The following SNTG1 variants were observed in gnomAD, a reference collection of about 807,000 sequenced individuals.
SNTG1 encodes the protein syntrophin gamma 1.
Under a neutral mutation model 74.7 loss-of-function variants are expected in SNTG1, and 39 were observed. That is an observed-to-expected ratio of 0.52 (90% confidence interval 0.40 to 0.68). The LOEUF (loss-of-function observed/expected upper bound fraction) is 0.68, where lower values mean the gene tolerates loss of function less well. SNTG1 is among the 30% of genes least tolerant of loss of function. The pLI is 0.00. For missense variants in SNTG1, 685 were observed against 609.5 expected, an observed-to-expected ratio of 1.12 and a Z score of -1.30; for synonymous variants, 254 against 217.1, an observed-to-expected ratio of 1.17 and a Z score of -1.49.
chr8:50,097,525 G>A (rs1281289190), intron 1 of SNTG1, among the ~76,000 whole-genome samples: 2 of 151,950 alleles, frequency 1.3e-5, no homozygotes, highest in African/African-American at 2.4e-5. Context: ...AGTGGCGGGC[G>A]CCTGTAGTCC....
chr8:50,477,382 A>C (rs1215924277), intron 8 of SNTG1, among the ~76,000 whole-genome samples: 2 of 152,162 alleles, frequency 1.3e-5, no homozygotes, highest in Non-Finnish European at 2.9e-5. Flanking sequence ...CCCCTTCCCC[A>C]GATCACATAT....
At chr8:50,539,680 T>C (rs2094332670) in intron 11 of SNTG1, among the ~76,000 whole-genome samples, 1 of 152,126 alleles carries the variant, frequency 6.6e-6, no homozygotes, top group Admixed American at 6.5e-5. Context: ...TGCAGGTGAG[T>C]ATGAAGGTTC....
At chr8:50,674,196 A>T (rs1316111657) in intron 15 of SNTG1, among the ~76,000 whole-genome samples, 1 of 152,074 alleles carries the variant, frequency 6.6e-6, no homozygotes, top group South Asian at 2.1e-4. Context: ...TCATAAAATG[A>T]GTTAAGGAGG....
intron 4 of SNTG1, among the ~76,000 whole-genome samples, chr8:50,407,521 T>C (rs1238261594): frequency 6.6e-6 from 1 of 152,132 alleles, no homozygotes; most frequent in East Asian, 1.9e-4. Flanking sequence ...AACCCCACAA[T>C]AGGGAGGAAG....
intron 14 of SNTG1, among the ~76,000 whole-genome samples, chr8:50,657,282 C>T (rs1203731539): frequency 6.6e-6 from 1 of 151,892 alleles, no homozygotes; most frequent in African/African-American, 2.4e-5. Flanking sequence ...ATTATAATGC[C>T]ATTACAAATC....
chr8:50,399,872 G>A (rs1038875980), intron 3 of SNTG1, among the ~76,000 whole-genome samples: 2 of 152,116 alleles, frequency 1.3e-5, no homozygotes, highest in Non-Finnish European at 2.9e-5. Context: ...AGATTAGTCA[G>A]CCTGGTTTCA....
intron 13 of SNTG1, among the ~76,000 whole-genome samples, chr8:50,656,101 G>A (rs1407443989): frequency 6.6e-5 from 10 of 152,124 alleles, no homozygotes; most frequent in African/African-American, 2.4e-4. Context: ...CAACCATAAA[G>A]CCAACGTAAA....
intron 2 of SNTG1, among the ~76,000 whole-genome samples, chr8:50,376,756 TAGAGAG>T (rs58103614): frequency 2.0e-3 from 182 of 89,954 alleles, no homozygotes; most frequent in Middle Eastern, 7.5e-3. Flanking sequence ...TATATATATA[TAGAGAG>T]AGAGAGAGAG....
At chr8:50,172,491 G>A (rs542654153) in intron 1 of SNTG1, 70 bp from the exon 2 acceptor site, 4 of 152,122 alleles carry the variant, frequency 2.6e-5, no homozygotes, top group Non-Finnish European at 5.9e-5. Flanking sequence ...GATACATTTC[G>A]GTGTGTAGAT....
chr8:50,210,396 C>T (rs1051272501), intron 2 of SNTG1, among the ~76,000 whole-genome samples: 6 of 152,054 alleles, frequency 3.9e-5, no homozygotes, highest in East Asian at 1.9e-4. Flanking sequence ...AGATATTCCT[C>T]GAGAAGAGCA....
intron 2 of SNTG1, among the ~76,000 whole-genome samples, chr8:50,368,568 G>T (rs1262460460): frequency 6.6e-6 from 1 of 152,102 alleles, no homozygotes. Flanking sequence ...GCAGAAGCCA[G>T]GAACAGCAAA....
At chr8:50,775,283 A>G (rs1407667425) in intron 18 of SNTG1, among the ~76,000 whole-genome samples, 1 of 151,626 alleles carries the variant, frequency 6.6e-6, no homozygotes, top group Non-Finnish European at 1.5e-5. Flanking sequence ...ACTACAATCA[A>G]GAGATTGACA....
chr8:50,152,156 T>G (rs763724713), intron 1 of SNTG1, among the ~76,000 whole-genome samples: 1 of 152,214 alleles, frequency 6.6e-6, no homozygotes, highest in African/African-American at 2.4e-5. Flanking sequence ...TTTACCATTA[T>G]GTAATGGCCT....
chr8:50,430,735 G>A (rs765044095), intron 4 of SNTG1, among the ~76,000 whole-genome samples: 5 of 152,164 alleles, frequency 3.3e-5, no homozygotes, highest in Non-Finnish European at 5.9e-5. Flanking sequence ...CCATAAGGAA[G>A]GGTGTATATG....
chr8:50,300,756 G>A (rs979631355), intron 2 of SNTG1, among the ~76,000 whole-genome samples: 1 of 152,130 alleles, frequency 6.6e-6, no homozygotes, highest in South Asian at 2.1e-4. Context: ...TGGTTGTAAA[G>A]CAGGTGCTAG....
At chr8:49,932,929 T>C (rs898490194) in intron 1 of SNTG1, among the ~76,000 whole-genome samples, 2 of 152,226 alleles carry the variant, frequency 1.3e-5, no homozygotes, top group Non-Finnish European at 2.9e-5. Context: ...GGTTCATCCA[T>C]ATTGCAGCAT....
intron 1 of SNTG1, among the ~76,000 whole-genome samples, chr8:50,025,772 A>T (rs1378590825): frequency 6.6e-6 from 1 of 152,208 alleles, no homozygotes; most frequent in Non-Finnish European, 1.5e-5. Context: ...TTACTTTGTT[A>T]TTGCTTTAGA....
At chr8:50,197,388 C>T (rs1349895376) in intron 2 of SNTG1, among the ~76,000 whole-genome samples, 1 of 152,086 alleles carries the variant, frequency 6.6e-6, no homozygotes, top group African/African-American at 2.4e-5. Flanking sequence ...CTAATGCTTT[C>T]TCATTCTATT....
intron 13 of SNTG1, among the ~76,000 whole-genome samples, chr8:50,611,974 T>C (rs2094853487): frequency 6.6e-6 from 1 of 152,044 alleles, no homozygotes; most frequent in Non-Finnish European, 1.5e-5. Flanking sequence ...TCCAGGCTGA[T>C]CTCGAACTCC....
Sources: gnomAD v4.1 joint callset for allele counts (sites outside exome capture counted in the v4.1 genomes callset) on GRCh38, gnomAD v4.1.1 for gene constraint, MANE v1.5 for transcripts, NCBI Gene and HGNC (gene_info 2026-07-23, HGNC 2026-07-21) for gene names.